CYFIP1: variants seen among roughly 807,000 people sequenced by gnomAD.
CYFIP1 encodes the protein cytoplasmic FMR1-interacting protein 1.
A neutral mutation model predicts 163.5 loss-of-function variants in CYFIP1; 58 were observed. The ratio of observed to expected loss-of-function variants is 0.35; its 90% confidence interval spans 0.29 to 0.44. CYFIP1 has a LOEUF of 0.44. CYFIP1 is among the 20% of genes least tolerant of loss of function. The pLI is 1.00. For synonymous variants in CYFIP1, 663 were observed against 660.7 expected, an observed-to-expected ratio of 1.00 and a Z score of -0.05; for missense variants, 1,338 against 1,653.8, an observed-to-expected ratio of 0.81 and a Z score of 3.31.
intron 1 of CYFIP1, among the ~76,000 whole-genome samples, chr15:22,960,536 C>T (rs1223882900): frequency 3.9e-5 from 6 of 152,198 alleles, no homozygotes; most frequent in Admixed American, 6.5e-5. Flanking sequence ...CGGGTCTTCA[C>T]GAAAACTGTG....
chr15:22,870,559 C>T (rs1403047317), intron 30 of CYFIP1, among the ~76,000 whole-genome samples: 2 of 152,104 alleles, frequency 1.3e-5, no homozygotes, highest in East Asian at 3.8e-4. Flanking sequence ...CAATCCTCCT[C>T]TGCCTCAGCC....
At chr15:22,950,857 C>A (rs888120732) in intron 1 of CYFIP1, among the ~76,000 whole-genome samples, 1 of 152,186 alleles carries the variant, frequency 6.6e-6, no homozygotes, top group Non-Finnish European at 1.5e-5. Flanking sequence ...CCTGCGCCGC[C>A]CATCTCACCG....
chr15:22,887,585 G>C (rs968162256), intron 23 of CYFIP1, among the ~76,000 whole-genome samples: 4 of 152,082 alleles, frequency 2.6e-5, no homozygotes, highest in East Asian at 1.9e-4. Flanking sequence ...GTCAGAGGAG[G>C]CATCACTCAA....
At chr15:22,945,047 G>A (rs1026611818) in intron 3 of CYFIP1, 108 bp from the exon 4 acceptor site, 18 of 1,037,370 alleles carry the variant, frequency 1.7e-5, no homozygotes, top group Non-Finnish European at 2.7e-5. Context: ...CCTAAGCACT[G>A]TGGCCTGTGT....
In CYFIP1 at chr15:22,917,988, T is replaced by G; in HGVS notation, c.1527-53A>C. The G allele has an allele frequency of 1.3e-6, 2 of 1,578,390 alleles. No individual in the cohort carries two copies. Among genetic ancestry groups the G allele is most frequent in the Non-Finnish European group, 1.7e-6 (2 of 1,161,136 alleles). On this transcript the variant is annotated intron_variant, in intron 14 of 30. Transcript: ENST00000617928. This position sits in a 1 kb window ranked among gnomAD's most constrained non-coding sequence, Gnocchi z 4.2. ...GGCCCAGAGGCCGAGACCTCCAGCC[T>G]CACAATCACACCATCTCCTCACCCA... is the stretch of plus-strand genomic sequence containing the variant.
rs186320630 is a variant in CYFIP1, at chr15:22,894,595, G to A, written c.2589-1618C>T. On this transcript the variant is annotated intron_variant, in intron 22 of 30. Coordinates refer to ENST00000617928, the MANE Select transcript of CYFIP1 (RefSeq NM_014608.6). ...ATGAGCCACCACGCCCGGCCTAGAG[G>A]AGGCTTTACTACTATGTCTGCTTAG... 2.3e-3 allele frequency among the ~76,000 whole-genome samples: 347 copies of A among 151,614 alleles called. 3 individuals are homozygous for A. The highest frequency in any genetic ancestry group is 7.8e-3 in the African/African-American group (322 of 41,398).
At chr15:22,883,645 G>A (rs560230222) in intron 23 of CYFIP1, among the ~76,000 whole-genome samples, 54 of 152,024 alleles carry the variant, frequency 3.6e-4, no homozygotes, top group East Asian at 2.7e-3. Flanking sequence ...GTGAAACCCC[G>A]TCTCTACTAA....
At chr15:22,928,372 G>C (rs1008697880) in intron 11 of CYFIP1, among the ~76,000 whole-genome samples, 2 of 151,814 alleles carry the variant, frequency 1.3e-5, no homozygotes, top group Admixed American at 6.6e-5. Context: ...GACAGAGCGA[G>C]ACTCCGTCTC....
chr15:22,976,553 A>G (rs2063287916), intron 1 of CYFIP1, among the ~76,000 whole-genome samples: 2 of 131,846 alleles, frequency 1.5e-5, no homozygotes, highest in African/African-American at 5.0e-5. Context: ...ATAGCTGCCT[A>G]CAGTCAACTG....
At chr15:22,876,665 C>G (rs1309701641) in intron 26 of CYFIP1, among the ~76,000 whole-genome samples, 1 of 151,852 alleles carries the variant, frequency 6.6e-6, no homozygotes, top group Non-Finnish European at 1.5e-5. Flanking sequence ...AACCCCATCT[C>G]TACTAAAAAC....
At chr15:22,906,055 G>C (rs1286106819) in intron 21 of CYFIP1, among the ~76,000 whole-genome samples, 1 of 151,536 alleles carries the variant, frequency 6.6e-6, no homozygotes, top group Admixed American at 6.6e-5. Flanking sequence ...CACTGTGCCC[G>C]GCCTTTTCTC....
chr15:22,938,111 C>A (rs2061774184), intron 8 of CYFIP1, among the ~76,000 whole-genome samples: 1 of 152,202 alleles, frequency 6.6e-6, no homozygotes, highest in Non-Finnish European at 1.5e-5. Flanking sequence ...GGCCACCCTG[C>A]AGAGGTGGAG....
At chr15:22,952,825 A>G (rs1404384548) in intron 1 of CYFIP1, among the ~76,000 whole-genome samples, 1 of 152,174 alleles carries the variant, frequency 6.6e-6, no homozygotes, top group Non-Finnish European at 1.5e-5. Flanking sequence ...AAAACAAGAT[A>G]CTGTCATACA....
At position 22,875,391 on chromosome 15, in the gene CYFIP1, ATC is replaced by A. The variant is rs1279540938; in HGVS notation, c.3043-122_3043-121del. ...AAAATAAACTCTGTAAGTTTATTTT[ATC>A]TCTGTCAAGAGATTTCTGGGATGAT... On this transcript the variant is annotated intron_variant, in intron 26 of 30. Coordinates refer to ENST00000617928, the MANE Select transcript of CYFIP1 (RefSeq NM_014608.6). 129 of 854,946 alleles carry A rather than the reference ATC, an allele frequency of 1.5e-4. No homozygotes were observed. In the East Asian group the frequency reaches 3.0e-3, roughly 20 times the overall value. The allele number at this position is 854,946 out of a possible 1,614,324, so 53.0% of individuals were successfully genotyped here.
intron 18 of CYFIP1, 47 bp downstream of exon 18, chr15:22,912,132 G>A (rs532632147): frequency 6.7e-7 from 1 of 1,488,824 alleles, no homozygotes; most frequent in South Asian, 1.2e-5. Context: ...AGAGAAAGGA[G>A]ATTTAATTGA....
At position 22,971,039 on chromosome 15, in the gene CYFIP1, G is replaced by A. The variant is rs1367511919; in HGVS notation, c.-7+9248C>T. Reference sequence around the variant, plus strand: ...TGCAGTGAGCCGAGATTGCGCCACCGCACTCCAGCCTGGGCGACAGAGCAA... The same window carrying A: ...TGCAGTGAGCCGAGATTGCGCCACCACACTCCAGCCTGGGCGACAGAGCAA... On this transcript the variant is annotated intron_variant, in intron 1 of 30. Transcript: ENST00000617928. 2.6e-5 allele frequency among the ~76,000 whole-genome samples: 4 copies of A among 152,070 alleles called. No homozygotes were observed. The East Asian group carries it at 7.7e-4, about 29-fold the overall frequency.
chr15:22,923,632 A>G (rs532105144), intron 13 of CYFIP1, among the ~76,000 whole-genome samples: 15 of 152,248 alleles, frequency 9.9e-5, no homozygotes, highest in Admixed American at 8.5e-4. Flanking sequence ...ACCAGCATCT[A>G]CACAAAAACC....
At chr15:22,946,217 T>C (rs1413168178) in intron 3 of CYFIP1, among the ~76,000 whole-genome samples, 3 of 150,896 alleles carry the variant, frequency 2.0e-5, no homozygotes, top group Admixed American at 6.6e-5. Context: ...GGTGGGAGGA[T>C]TGCTTGAACC....
At chr15:22,904,700 G>C (rs376165423) in intron 21 of CYFIP1, 1 of 152,020 alleles carries the variant, frequency 6.6e-6, no homozygotes, top group Non-Finnish European at 1.5e-5. Flanking sequence ...TCAAAGCCTC[G>C]ACCAATGATT....
Sources: allele counts gnomAD v4.1 joint callset (sites outside exome capture counted in the v4.1 genomes callset), GRCh38; gene constraint gnomAD v4.1.1; non-coding constraint Gnocchi (gnomAD v3.1); transcripts MANE v1.5; gene names NCBI Gene and HGNC (gene_info 2026-07-23, HGNC 2026-07-21).